MAPRE2: variants seen among roughly 807,000 people sequenced by gnomAD.
MAPRE2 encodes the protein microtubule associated protein RP/EB family member 2.
MAPRE2 carries 13 observed loss-of-function variants against 43.2 expected under a neutral mutation model. The ratio of observed to expected loss-of-function variants is 0.30; its 90% confidence interval spans 0.20 to 0.48. The LOEUF (loss-of-function observed/expected upper bound fraction) is 0.48, where lower values mean the gene tolerates loss of function less well. Ranked by LOEUF, MAPRE2 falls within the 20% of genes least tolerant of loss-of-function variation. The pLI is 0.99. For synonymous variants in MAPRE2, 135 were observed against 148.8 expected, an observed-to-expected ratio of 0.91 and a Z score of 0.68; for missense variants, 161 against 400.2, an observed-to-expected ratio of 0.40 and a Z score of 5.10.
chr18:35,131,871 A>G (rs1910164567), intron 5 of MAPRE2, 161 bp from the exon 6 acceptor site: 5 of 678,666 alleles, frequency 7.4e-6, no homozygotes, highest in Non-Finnish European at 1.2e-5. Flanking sequence ...CCCAGGGTCA[A>G]GCTCCAGACA....
At chr18:35,136,014 T>C (rs953007424) in intron 6 of MAPRE2, among the ~76,000 whole-genome samples, 1 of 152,228 alleles carries the variant, frequency 6.6e-6, no homozygotes, top group African/African-American at 2.4e-5. Context: ...CTTAACACTC[T>C]TATTTTGTGA....
At chr18:34,978,350 A>C in intron 1 of MAPRE2, 1 of 684,774 alleles carries the variant, frequency 1.5e-6, no homozygotes, top group Non-Finnish European at 2.6e-6. Flanking sequence ...GAAACGGAAG[A>C]ACTTCCTTGA....
At chr18:35,078,642 G>T (rs1907486690) in intron 2 of MAPRE2, among the ~76,000 whole-genome samples, 1 of 152,176 alleles carries the variant, frequency 6.6e-6, no homozygotes, top group Admixed American at 6.5e-5. Context: ...AGCTGTGGAT[G>T]CAACGAAGGG....
rs375815270 is a variant in MAPRE2, at chr18:35,029,619, C to T, written c.-8+24066C>T. ...GTGAGTTAGTTGATTTTTAAGAACC[C>T]TAAGGAAATCTTCTCTGGGAAGCTT... On this transcript the variant is annotated intron_variant, in intron 2 of 7. Coordinates refer to the MAPRE2 transcript ENST00000413393. Among the ~76,000 whole-genome samples, 16 of 152,224 alleles carry T rather than the reference C, an allele frequency of 1.1e-4. 1 individual carries two copies. The highest frequency in any genetic ancestry group is 4.6e-4 in the Admixed American group (7 of 15,266).
At chr18:35,044,195 G>T (rs1418573479) in intron 1 of MAPRE2, among the ~76,000 whole-genome samples, 1 of 152,120 alleles carries the variant, frequency 6.6e-6, no homozygotes, top group Non-Finnish European at 1.5e-5. Context: ...TTGACTTCTA[G>T]GTAGGCCCCC....
In MAPRE2 at chr18:35,143,009, T is replaced by C. The variant is rs1910729994; in HGVS notation, c.*2640T>C. The stretch of plus-strand genomic sequence containing the variant: ...TAGCACTTCCACTGCTACTGTCAGA[T>C]AGGAAGTGATCGAAGCAGGGGGCAA... On this transcript the variant is annotated 3_prime_UTR_variant, in exon 7 of 7. Transcript: ENST00000300249. 7.0e-6 allele frequency: 1 copy of C among 142,640 alleles called. No individual in the cohort carries two copies. The highest frequency in any genetic ancestry group is 2.1e-4 in the South Asian group (1 of 4,662). 8.8% of individuals were successfully genotyped at this position (142,640 alleles called of 1,614,324 possible).
intron 2 of MAPRE2, among the ~76,000 whole-genome samples, chr18:35,022,235 C>T (rs952585767): frequency 1.3e-5 from 2 of 152,030 alleles, no homozygotes; most frequent in Non-Finnish European, 2.9e-5. Flanking sequence ...ATCTATGGAA[C>T]TAATGAAAGA....
chr18:35,028,258 T>C (rs1416185349), intron 2 of MAPRE2, among the ~76,000 whole-genome samples: 1 of 152,052 alleles, frequency 6.6e-6, no homozygotes, highest in Non-Finnish European at 1.5e-5. Context: ...GGAACCTAGG[T>C]TTATATCTCA....
At position 35,141,235 on chromosome 18, in the gene MAPRE2, T is replaced by C. The variant is rs190745230; in HGVS notation, c.*866T>C. Reference sequence around the variant, plus strand: ...GGGTATGGTTAGGTACGGGTCTTCCTGCCTCATTCCTCTTCCTCTTTGTGT... The same window carrying C: ...GGGTATGGTTAGGTACGGGTCTTCCCGCCTCATTCCTCTTCCTCTTTGTGT... On this transcript the variant is annotated 3_prime_UTR_variant, in exon 7 of 7. Transcript: ENST00000300249. The C allele has an allele frequency of 1.3e-5, 2 of 152,316 alleles. No individual in the cohort carries two copies. Among genetic ancestry groups the C allele is most frequent in the Admixed American group, 6.5e-5 (1 of 15,296 alleles). 9.4% of individuals were successfully genotyped at this position (152,316 alleles called of 1,614,324 possible). A position where few individuals can be genotyped will look rare whatever the true frequency, so the allele number is the denominator to read the frequency against.
intron 6 of MAPRE2, among the ~76,000 whole-genome samples, chr18:35,137,752 G>A (rs1486688400): frequency 1.3e-5 from 2 of 152,128 alleles, no homozygotes; most frequent in African/African-American, 4.8e-5. Flanking sequence ...AAGAACACAC[G>A]CGGGACTGTG....
chr18:35,053,022 A>G, intron 1 of MAPRE2, among the ~76,000 whole-genome samples: 1 of 143,994 alleles, frequency 6.9e-6, no homozygotes, highest in African/African-American at 2.5e-5. Context: ...ACACACACAC[A>G]AAAAGACCTA....
At chr18:35,087,023 G>A (rs373826768) in intron 2 of MAPRE2, among the ~76,000 whole-genome samples, 2 of 152,126 alleles carry the variant, frequency 1.3e-5, no homozygotes, top group Non-Finnish European at 2.9e-5. Context: ...GGGATCTGGT[G>A]AAAATGAAAT....
intron 2 of MAPRE2, among the ~76,000 whole-genome samples, chr18:35,090,591 T>G (rs619817): frequency 0.34 from 51,709 of 151,386 alleles, 12,313 homozygotes; most frequent in African/African-American, 0.66. Flanking sequence ...AATGAGCCAG[T>G]TGTGGTGGTG....
At chr18:35,131,975 T>A in intron 5 of MAPRE2, 57 bp from the exon 6 acceptor site, 9 of 1,542,338 alleles carry the variant, frequency 5.8e-6, no homozygotes, top group Non-Finnish European at 8.0e-6. Flanking sequence ...GAATTGCTGG[T>A]CATGTCTTAT....
chr18:35,069,321 A>G (rs920917526), intron 1 of MAPRE2, among the ~76,000 whole-genome samples: 5 of 152,238 alleles, frequency 3.3e-5, no homozygotes, highest in Admixed American at 2.0e-4. Flanking sequence ...GTATTATAAT[A>G]TATTGAAATG....
At chr18:35,122,751 A>G (rs1209361549) in intron 4 of MAPRE2, among the ~76,000 whole-genome samples, 1 of 152,150 alleles carries the variant, frequency 6.6e-6, no homozygotes. Context: ...GGGATCCAGG[A>G]GGTGCACGTG....
At chr18:35,119,141 G>A (rs1275035501) in intron 4 of MAPRE2, among the ~76,000 whole-genome samples, 1 of 152,160 alleles carries the variant, frequency 6.6e-6, no homozygotes, top group Non-Finnish European at 1.5e-5. Flanking sequence ...ACTGCTGCAG[G>A]ACTCCCAGCA....
intron 2 of MAPRE2, among the ~76,000 whole-genome samples, chr18:35,007,980 G>A (rs535472481): frequency 3.9e-5 from 6 of 152,310 alleles, no homozygotes; most frequent in South Asian, 4.1e-4. Context: ...GGGGACTTGA[G>A]CATGAATGGA....
At chr18:35,052,896 G>A (rs902994663) in intron 1 of MAPRE2, among the ~76,000 whole-genome samples, 1 of 151,962 alleles carries the variant, frequency 6.6e-6, no homozygotes, top group Non-Finnish European at 1.5e-5. Flanking sequence ...TAAAAAAATA[G>A]GTTATCTTTT....
Sources: gnomAD v4.1 joint callset for allele counts (sites outside exome capture counted in the v4.1 genomes callset) on GRCh38, gnomAD v4.1.1 for gene constraint, MANE v1.5 for transcripts, NCBI Gene and HGNC (gene_info 2026-07-23, HGNC 2026-07-21) for gene names.